SERINC5: variants seen among roughly 807,000 people sequenced by gnomAD.
SERINC5 encodes chromosome 5 open reading frame 12.
In SERINC5, 41 loss-of-function variants were observed where a neutral mutation model predicts 63.1. The observed-to-expected ratio is 0.65, with a 90% CI of 0.51 to 0.84. SERINC5 has a LOEUF of 0.84. Ranked by LOEUF, SERINC5 falls within the 40% of genes least tolerant of loss-of-function variation. The pLI is 0.00. For synonymous variants in SERINC5, 222 were observed against 215.2 expected, an observed-to-expected ratio of 1.03 and a Z score of -0.28; for missense variants, 523 against 573.0, an observed-to-expected ratio of 0.91 and a Z score of 0.89.
At chr5:80,252,811 T>C (rs1476962100) in intron 1 of SERINC5, among the ~76,000 whole-genome samples, 3 of 152,170 alleles carry the variant, frequency 2.0e-5, no homozygotes. Flanking sequence ...CCAGTCCTCA[T>C]TGTCCAGATT....
At chr5:80,135,520 A>G (rs1745131930), downstream of SERINC5, among the ~76,000 whole-genome samples, 1 of 151,954 alleles carries the variant, frequency 6.6e-6, no homozygotes, top group Non-Finnish European at 1.5e-5. Context: ...GAAAAAGATA[A>G]CTACAATAGA....
intron 1 of SERINC5, among the ~76,000 whole-genome samples, chr5:80,218,787 A>T (rs969342188): frequency 8.6e-5 from 13 of 151,966 alleles, no homozygotes; most frequent in African/African-American, 3.1e-4. Context: ...GCCCCGACTA[A>T]ATCACCCCAC....
chr5:80,138,858 T>C lies in SERINC5; in HGVS notation c.*4805A>G, dbSNP rs1745337106. On this transcript the variant is annotated 3_prime_UTR_variant, in exon 12 of 12. Coordinates refer to ENST00000507668, the MANE Select transcript of SERINC5 (RefSeq NM_001174072.3). ...ACAACTAACTTGAGTACTTTAATTA[T>C]ATATGTATCTAGCAGAAGAGAAAAA... is the stretch of plus-strand genomic sequence containing the variant. 1.0e-6 allele frequency: 1 copy of C among 976,922 alleles called. No homozygotes were observed. The highest frequency in any genetic ancestry group is 1.2e-6 in the Non-Finnish European group (1 of 822,300). 60.5% of individuals were successfully genotyped at this position (976,922 alleles called of 1,614,324 possible).
At chr5:80,129,056 TG>T (rs1744845649) in intron 11 of SERINC5, 2 of 152,202 alleles carry the variant, frequency 1.3e-5, no homozygotes, top group South Asian at 4.1e-4. Context: ...CCAGCTTAGA[TG>T]GAAAGTCCAC....
intron 11 of SERINC5, among the ~76,000 whole-genome samples, chr5:80,126,928 T>C (rs557864660): frequency 6.6e-6 from 1 of 152,266 alleles, no homozygotes; most frequent in Non-Finnish European, 1.5e-5. Context: ...TGTTAATTTG[T>C]CTACAAAATA....
intron 12 of SERINC5, among the ~76,000 whole-genome samples, chr5:80,112,485 G>A (rs1317653561): frequency 6.6e-6 from 1 of 152,070 alleles, no homozygotes; most frequent in East Asian, 1.9e-4. Flanking sequence ...AAATACTGAG[G>A]GAACTCAGAG....
intron 1 of SERINC5, among the ~76,000 whole-genome samples, chr5:80,205,996 C>T (rs6880905): frequency 0.13 from 13,166 of 103,852 alleles, 708 homozygotes; most frequent in East Asian, 0.28. Context: ...AAAAAAAAAA[C>T]CTCAAGACTT....
intron 4 of SERINC5, among the ~76,000 whole-genome samples, chr5:80,176,369 C>T (rs1021515658): frequency 6.6e-6 from 1 of 152,182 alleles, no homozygotes; most frequent in Non-Finnish European, 1.5e-5. Flanking sequence ...CTAGCTAGGC[C>T]CTGATACATA....
rs1746825347 is a variant in SERINC5 at position 80,160,682 on chromosome 5, C to T, written c.860-1720G>A. ...GTATTCTACCCATTAAGTAATTTCT[C>T]ACCATCCATCCCCTCCCTCCTTCCT... On this transcript the variant is annotated intron_variant, in intron 7 of 11. Transcript: ENST00000507668. Among the ~76,000 whole-genome samples the T allele has an allele frequency of 2.0e-5, 3 of 152,160 alleles. No individual in the cohort carries two copies. The South Asian group carries it at 6.2e-4, about 32-fold the overall frequency.
chr5:80,151,163 G>C (rs1165281380), intron 8 of SERINC5, among the ~76,000 whole-genome samples: 1 of 152,210 alleles, frequency 6.6e-6, no homozygotes, highest in Non-Finnish European at 1.5e-5. Context: ...GATTGCATTA[G>C]ATCATTTTAT....
chr5:80,235,635 C>T (rs573281425), intron 1 of SERINC5, among the ~76,000 whole-genome samples: 2 of 152,192 alleles, frequency 1.3e-5, no homozygotes, highest in South Asian at 4.1e-4. Context: ...CTTGCTCTGT[C>T]GCCCAGGCTG....
At chr5:80,146,607 C>T (rs533336654) in intron 10 of SERINC5, among the ~76,000 whole-genome samples, 2 of 152,286 alleles carry the variant, frequency 1.3e-5, no homozygotes, top group East Asian at 3.9e-4. Flanking sequence ...CACACGCCAC[C>T]ACGCCCGGCT....
chr5:80,221,631 T>C (rs576141360), intron 1 of SERINC5, among the ~76,000 whole-genome samples: 1 of 152,274 alleles, frequency 6.6e-6, no homozygotes, highest in South Asian at 2.1e-4. Flanking sequence ...TTCATAAGTT[T>C]TTTAAATGAA....
At chr5:80,144,610 G>A (rs1258848419) in intron 11 of SERINC5, among the ~76,000 whole-genome samples, 2 of 152,134 alleles carry the variant, frequency 1.3e-5, no homozygotes, top group Non-Finnish European at 2.9e-5. Context: ...AAGCATTAAA[G>A]CTCCCTTCTC....
intron 8 of SERINC5, among the ~76,000 whole-genome samples, chr5:80,154,304 C>T (rs3763034): frequency 0.079 from 12,032 of 152,090 alleles, 517 homozygotes; most frequent in East Asian, 0.13. Flanking sequence ...CTCAGCCTCC[C>T]GAGTAGCTGG....
Position 80,142,567 on chromosome 5 carries a change from C to T in SERINC5, c.*1096G>A, listed in dbSNP as rs1211765346. ...TTCTGGTCAGTGTGTCTGAGATCCT[C>T]ACCTCAGAAATTCTCACATTAGCAA... On this transcript the variant is annotated 3_prime_UTR_variant, in exon 12 of 12. Coordinates refer to ENST00000507668, the MANE Select transcript of SERINC5 (RefSeq NM_001174072.3). 1.0e-5 allele frequency: 10 copies of T among 985,228 alleles called. No homozygotes were observed. The highest frequency in any genetic ancestry group is 1.2e-5 in the Non-Finnish European group (10 of 829,878). 61.0% of individuals were successfully genotyped at this position (985,228 alleles called of 1,614,324 possible). A position where few individuals can be genotyped will look rare whatever the true frequency, so the allele number is the denominator to read the frequency against.
intron 5 of SERINC5, among the ~76,000 whole-genome samples, chr5:80,174,605 T>C (rs1747901568): frequency 6.6e-6 from 1 of 151,678 alleles, no homozygotes; most frequent in Admixed American, 6.6e-5. Context: ...CAAGAGTCTG[T>C]TAAAAAAACA....
chr5:80,224,935 G>GTTTTTTTTTTTTT (rs764594236), intron 1 of SERINC5, among the ~76,000 whole-genome samples: 1 of 81,668 alleles, frequency 1.2e-5, no homozygotes, highest in Non-Finnish European at 2.3e-5. Context: ...TTTTTTTTTT[G>GTTTTTTTTTTTTT]TTTTTTTTTG....
chr5:80,226,881 A>G (rs975357818), intron 1 of SERINC5, among the ~76,000 whole-genome samples: 1 of 152,158 alleles, frequency 6.6e-6, no homozygotes, highest in Non-Finnish European at 1.5e-5. Flanking sequence ...ATTATAATTT[A>G]AATTTTTGGC....
Sources: allele counts gnomAD v4.1 joint callset (sites outside exome capture counted in the v4.1 genomes callset), GRCh38; gene constraint gnomAD v4.1.1; transcripts MANE v1.5; gene names NCBI Gene and HGNC (gene_info 2026-07-23, HGNC 2026-07-21).